SYN3: variants seen among roughly 807,000 people sequenced by gnomAD.
SYN3 encodes synapsin-3.
Under a neutral mutation model 65.8 loss-of-function variants are expected in SYN3, and 35 were observed. The ratio of observed to expected loss-of-function variants is 0.53; its 90% CI spans 0.41 to 0.70. The LOEUF is 0.70. Among genes scored for constraint, SYN3 ranks in the 30% least tolerant of loss-of-function variants. The pLI, the probability that SYN3 is intolerant of heterozygous loss-of-function variation, is 0.00. For missense variants in SYN3, 680 were observed against 749.0 expected (o/e 0.91, Z 1.08); for synonymous variants, 270 against 292.9 (o/e 0.92, Z 0.80).
intron 6 of SYN3, among the ~76,000 whole-genome samples, chr22:32,761,799 A>T (rs944818667): frequency 6.6e-6 from 1 of 152,184 alleles, no homozygotes; most frequent in African/African-American, 2.4e-5. Context: ...CCAGTCTCCA[A>T]TGGGAGGCAG....
chr22:33,048,364 A>T (rs1334072869), intron 1 of SYN3, among the ~76,000 whole-genome samples: 4 of 152,196 alleles, frequency 2.6e-5, no homozygotes, highest in Non-Finnish European at 5.9e-5. Flanking sequence ...TTTAGGTTCT[A>T]AACCCATAGT....
At position 32,982,999 on chromosome 22, in the gene SYN3, G is replaced by A. The variant is rs544661856; in HGVS notation, c.312-2297C>T. Among the ~76,000 whole-genome samples, 7 of 152,266 alleles carry A rather than the reference G, an allele frequency of 4.6e-5. No individual in the cohort carries two copies. In the South Asian group the frequency reaches 1.5e-3, roughly 32 times the overall value. On this transcript the variant is annotated intron_variant, in intron 2 of 13. Transcript: ENST00000358763. Reference sequence around the variant, plus strand: ...TGCTTTTGCTCAACTCTGAAAAATAGCAGTGAAAATTGGGGTCTTTATAGG... The same window carrying A: ...TGCTTTTGCTCAACTCTGAAAAATAACAGTGAAAATTGGGGTCTTTATAGG...
chr22:32,964,193 C>T (rs1327002602), intron 3 of SYN3, among the ~76,000 whole-genome samples: 1 of 150,066 alleles, frequency 6.7e-6, no homozygotes, highest in Non-Finnish European at 1.5e-5. Context: ...AAAAACCAAA[C>T]ACCGCATGTT....
At chr22:33,056,800 C>A (rs909980756) in intron 1 of SYN3, among the ~76,000 whole-genome samples, 2 of 151,526 alleles carry the variant, frequency 1.3e-5, no homozygotes, top group Non-Finnish European at 1.5e-5. Flanking sequence ...GATTTCCCAG[C>A]GAGCCCTTGT....
At chr22:33,050,119 C>T (rs946468566) in intron 1 of SYN3, among the ~76,000 whole-genome samples, 13 of 152,148 alleles carry the variant, frequency 8.5e-5, no homozygotes, top group African/African-American at 2.7e-4. Flanking sequence ...TTCTTCCCAT[C>T]TGTCAACTCA....
At chr22:33,047,219 G>A (rs9609697) in intron 1 of SYN3, among the ~76,000 whole-genome samples, 1 of 152,074 alleles carries the variant, frequency 6.6e-6, no homozygotes, top group South Asian at 2.1e-4. Flanking sequence ...TTTCCTCTGA[G>A]AATATAAGAT....
rs1015483568 is a variant in SYN3 at position 32,602,910 on chromosome 22, G to A, written c.712-6174C>T. Among the ~76,000 whole-genome samples the A allele has an allele frequency of 7.9e-5, 12 of 151,866 alleles. No homozygotes were observed. In the East Asian group the frequency reaches 2.3e-3, roughly 29 times the overall value. On this transcript the variant is annotated intron_variant, in intron 6 of 13. Coordinates refer to ENST00000358763, the MANE Select transcript of SYN3 (RefSeq NM_003490.4). ...TTTGTACACATGTCCTTATGAGCTA[G>A]TGTTTTAATTCCTCCAGGCCAGTCC...
At chr22:33,018,509 G>A (rs549766171) in intron 1 of SYN3, among the ~76,000 whole-genome samples, 1 of 152,298 alleles carries the variant, frequency 6.6e-6, no homozygotes, top group South Asian at 2.1e-4. Flanking sequence ...CTTACTTCTT[G>A]GAGGCTGTGG....
intron 6 of SYN3, among the ~76,000 whole-genome samples, chr22:32,700,937 G>GA (rs2060802960): frequency 6.6e-6 from 1 of 152,204 alleles, no homozygotes; most frequent in African/African-American, 2.4e-5. Flanking sequence ...GCTCATTCCA[G>GA]AAATGGGAAT....
At chr22:32,594,576 C>G (rs1425306324) in intron 7 of SYN3, among the ~76,000 whole-genome samples, 1 of 152,086 alleles carries the variant, frequency 6.6e-6, no homozygotes, top group African/African-American at 2.4e-5. Context: ...CAACCTCCAC[C>G]TCCCAGGTTC....
chr22:32,676,044 C>A (rs1433245278), intron 6 of SYN3, among the ~76,000 whole-genome samples: 3 of 151,432 alleles, frequency 2.0e-5, no homozygotes, highest in Non-Finnish European at 4.4e-5. Context: ...ACTCTTCCAG[C>A]CCCAGGATGA....
At chr22:32,871,358 C>T (rs1428511480) in intron 4 of SYN3, among the ~76,000 whole-genome samples, 2 of 152,222 alleles carry the variant, frequency 1.3e-5, no homozygotes, top group Non-Finnish European at 2.9e-5. Context: ...TTCCAAAACT[C>T]ACCTCTAAAT....
intron 6 of SYN3, among the ~76,000 whole-genome samples, chr22:32,777,913 C>G (rs2145810734): frequency 6.6e-6 from 1 of 152,174 alleles, no homozygotes; most frequent in Admixed American, 6.5e-5. Flanking sequence ...AAAAGTTTAA[C>G]TATTAAAGAA....
chr22:32,788,631 A>G (rs1430136283), intron 6 of SYN3, among the ~76,000 whole-genome samples: 1 of 152,118 alleles, frequency 6.6e-6, no homozygotes, highest in Admixed American at 6.6e-5. Context: ...AGTAATCTAG[A>G]GATGATTTAA....
intron 6 of SYN3, among the ~76,000 whole-genome samples, chr22:32,643,020 A>G (rs916437809): frequency 1.3e-5 from 2 of 152,254 alleles, no homozygotes; most frequent in African/African-American, 2.4e-5. Flanking sequence ...ACACTTAAAA[A>G]GATGAGCTTA....
rs111668828 is a variant in SYN3, at chr22:32,642,296, AT to A, written c.712-45561del. 4.8e-4 allele frequency among the ~76,000 whole-genome samples: 73 copies of A among 152,002 alleles called. 1 individual carries two copies. Among genetic ancestry groups the A allele is most frequent in the African/African-American group, 1.7e-3 (71 of 41,480 alleles). ...CAGAGCAGGACTCCATTTAAAAAAA[AT>A]AATAATAATAAAGAAGTTTCTGGTT... On this transcript the variant is annotated intron_variant, in intron 6 of 13. Transcript: ENST00000358763.
At chr22:33,008,621 T>A (rs74498492) in intron 1 of SYN3, among the ~76,000 whole-genome samples, 2,235 of 152,170 alleles carry the variant, frequency 0.015, 57 homozygotes, top group African/African-American at 0.051. Flanking sequence ...CTCCTGTTGA[T>A]AAAAATTTGA....
intron 1 of SYN3, among the ~76,000 whole-genome samples, chr22:33,017,569 T>C (rs2145848857): frequency 6.6e-6 from 1 of 152,344 alleles, no homozygotes; most frequent in East Asian, 1.9e-4. Context: ...TAGTTTCCAG[T>C]AAGAAGGTCT....
intron 6 of SYN3, among the ~76,000 whole-genome samples, chr22:32,666,633 G>A (rs573736106): frequency 2.6e-5 from 4 of 152,184 alleles, no homozygotes; most frequent in Middle Eastern, 3.4e-3. Context: ...TGTTTAACAC[G>A]GTGGCCCCTT....
Sources: allele counts gnomAD v4.1 joint callset (sites outside exome capture counted in the v4.1 genomes callset), GRCh38; gene constraint gnomAD v4.1.1; transcripts MANE v1.5; gene names NCBI Gene and HGNC (gene_info 2026-07-23, HGNC 2026-07-21).